FIGNL1: variants seen among roughly 807,000 people sequenced by gnomAD.
The protein encoded by FIGNL1 is fidgetin like 1.
FIGNL1 carries 11 observed loss-of-function variants against 28.9 expected under a neutral mutation model. That is an observed-to-expected ratio of 0.38 (90% CI 0.24 to 0.63). The LOEUF is 0.63. Among genes scored for constraint, FIGNL1 ranks in the 20% least tolerant of loss-of-function variants. The pLI, the probability that FIGNL1 is intolerant of heterozygous loss-of-function variation, is 0.57. For missense variants in FIGNL1, 789 were observed against 810.4 expected (o/e 0.97, Z 0.32); for synonymous variants, 295 against 276.5 (o/e 1.07, Z -0.66).
In FIGNL1 at chr7:50,446,491, A is replaced by G. The variant is rs143316695; in HGVS notation, c.797T>C (p.Ile266Thr). 52 of 1,614,108 alleles carry G rather than the reference A, an allele frequency of 3.2e-5. No homozygotes were observed. Among genetic ancestry groups the G allele is most frequent in the African/African-American group, 2.5e-4 (19 of 74,936 alleles). ...QRKSFYGSGT[I>T]DALSNPILNK... is the part of the protein sequence containing the mutation. Reference sequence around the variant, plus strand: ...CAGTATTGGATTGGAAAGTGCATCAATGGTGCCAGAACCATAAAAAGACTT... The same window carrying G: ...CAGTATTGGATTGGAAAGTGCATCAGTGGTGCCAGAACCATAAAAAGACTT... Residue 266 changes from isoleucine to threonine, a missense_variant, in exon 4 of 4, where the codon ATT (isoleucine) becomes ACT (threonine). Coordinates refer to ENST00000433017, the MANE Select transcript of FIGNL1 (RefSeq NM_001287492.4).
At position 50,444,810 on chromosome 7, in the gene FIGNL1, AGCTTT is replaced by A. The variant is rs1820338512; in HGVS notation, c.*448_*452del. 6.6e-6 allele frequency: 1 copy of A among 152,336 alleles called. No individual in the cohort carries two copies. The highest frequency in any genetic ancestry group is 1.5e-5 in the Non-Finnish European group (1 of 68,112). The allele number at this position is 152,336 out of a possible 1,614,324, so 9.4% of individuals were successfully genotyped here. A position where few individuals can be genotyped will look rare whatever the true frequency, so the allele number is the denominator to read the frequency against. On this transcript the variant is annotated 3_prime_UTR_variant, in exon 4 of 4. Transcript: ENST00000433017. ...TGAAGAAAGTAAAAATTGGCACTTT[AGCTTT>A]GAGATCTTAAATCTACTTAAATAAC... is the stretch of plus-strand genomic sequence containing the variant.
At position 50,446,025 on chromosome 7, in the gene FIGNL1, C is replaced by A. The variant is rs1369034887; in HGVS notation, c.1263G>T (p.Met421Ile). The A allele has an allele frequency of 1.2e-6, 2 of 1,614,096 alleles. No homozygotes were observed. Among genetic ancestry groups the A allele is most frequent in the East Asian group, 2.2e-5 (1 of 44,906 alleles). ...ATIKEIVVWP[M>I]LRPDIFTGLR... ...AACCAGTAAAGATGTCTGGCCTCAACATGGGCCACACAACTATTTCCTTTA... is the reference window on the plus strand; with the variant it reads ...AACCAGTAAAGATGTCTGGCCTCAAAATGGGCCACACAACTATTTCCTTTA... Residue 421 changes from methionine to isoleucine, a missense_variant, in exon 4 of 4, where the codon ATG becomes ATT. Coordinates refer to ENST00000433017, the MANE Select transcript of FIGNL1 (RefSeq NM_001287492.4).
rs780529754 is a variant in FIGNL1, at chr7:50,445,539, T to A, written c.1749A>T (p.Lys583Asn). 6.2e-7 allele frequency: 1 copy of A among 1,614,244 alleles called. No homozygotes were observed. The highest frequency in any genetic ancestry group is 8.5e-7 in the Non-Finnish European group (1 of 1,180,044). Residue 583 changes from lysine to asparagine, a missense_variant, in exon 4 of 4, where the codon AAA (lysine) becomes AAT (asparagine). Coordinates refer to ENST00000433017, the MANE Select transcript of FIGNL1 (RefSeq NM_001287492.4). ...RKQIVINLMS[K>N]EQCCLSEEEI... The stretch of plus-strand genomic sequence containing the variant: ...CTTCTTCACTGAGGCAACACTGCTC[T>A]TTGGACATTAGATTAATTACTATCT...
In FIGNL1 at chr7:50,446,970, T is replaced by C. The variant is rs757006948; in HGVS notation, c.318A>G (p.Ile106Met). Reference sequence around the variant, plus strand: ...CACTACTCATTTTGAAAACATTATTTATTGACAATCCAGACTGCCACTTGT... The same window carrying C: ...CACTACTCATTTTGAAAACATTATTCATTGACAATCCAGACTGCCACTTGT... ...DSDKWQSGLS[I>M]NNVFKMSSVQ... The change falls in exon 4 of 4, where the codon ATA (isoleucine) becomes ATG (methionine). Residue 106 changes from isoleucine to methionine, a missense_variant. Ile to Met is a conservative substitution (Grantham distance 10). Coordinates refer to ENST00000433017, the MANE Select transcript of FIGNL1 (RefSeq NM_001287492.4). 2 of 1,614,216 alleles carry C rather than the reference T, an allele frequency of 1.2e-6. No individual in the cohort carries two copies. Among genetic ancestry groups the C allele is most frequent in the South Asian group, 2.2e-5 (2 of 91,082 alleles).
rs942511232 is a variant in FIGNL1 at position 50,447,069 on chromosome 7, G to A, written c.219C>T (p.Asp73=). The A allele has an allele frequency of 2.5e-6, 4 of 1,614,202 alleles. No homozygotes were observed. Among genetic ancestry groups the A allele is most frequent in the Non-Finnish European group, 3.4e-6 (4 of 1,180,028 alleles). ...AEKYSAIIDS[D]NVESGLNNYA... ...AATTATTCAACCCAGATTCAACATTGTCAGAATCAATAATTGCAGAATATT... is the reference window on the plus strand; with the variant it reads ...AATTATTCAACCCAGATTCAACATTATCAGAATCAATAATTGCAGAATATT... The change falls in exon 4 of 4, where the codon GAC becomes GAT. Residue 73 remains aspartate (D), a synonymous_variant. Coordinates refer to ENST00000433017, the MANE Select transcript of FIGNL1 (RefSeq NM_001287492.4).
Position 50,447,042 on chromosome 7 carries a change from A to G in FIGNL1, c.246T>C (p.Tyr82=). The part of the protein sequence containing the change: ...SDNVESGLNN[Y]AENILTLAGS... The stretch of plus-strand genomic sequence containing the variant: ...CTGCCAAAGTTAAAATGTTTTCTGC[A>G]TAATTATTCAACCCAGATTCAACAT... The change falls in exon 4 of 4, where the codon TAT becomes TAC. Residue 82 remains tyrosine, a synonymous_variant. Transcript: ENST00000433017. 2 of 1,614,264 alleles carry G rather than the reference A, an allele frequency of 1.2e-6. No homozygotes were observed. The highest frequency in any genetic ancestry group is 1.7e-6 in the Non-Finnish European group (2 of 1,180,050).
rs192313152 is a variant in FIGNL1 at position 50,445,891 on chromosome 7, G to A, written c.1397C>T (p.Ser466Phe). The change falls in exon 4 of 4, where the codon TCT becomes TTT. Residue 466 changes from serine to phenylalanine, a missense_variant. Physicochemically the swap from Ser to Phe is radical, Grantham distance 155. Transcript: ENST00000433017. ...CCATTTAGAAGTTAAGGATGAAGCAGAGATGCTAAAGAATGTTGCCCCAGA... is the reference window on the plus strand; with the variant it reads ...CCATTTAGAAGTTAAGGATGAAGCAAAGATGCTAAAGAATGTTGCCCCAGA... ...SQSGATFFSI[S>F]ASSLTSKWVG... 1.9e-6 allele frequency: 3 copies of A among 1,614,128 alleles called. No individual in the cohort carries two copies. The highest frequency in any genetic ancestry group is 4.5e-5 in the East Asian group (2 of 44,886).
chr7:50,445,694 T>C lies in FIGNL1; in HGVS notation c.1594A>G (p.Thr532Ala). 1 of 1,614,182 alleles carries C rather than the reference T, an allele frequency of 6.2e-7. No homozygotes were observed. The highest frequency in any genetic ancestry group is 8.5e-7 in the Non-Finnish European group (1 of 1,180,040). The change falls in exon 4 of 4, where the codon ACA becomes GCA. Residue 532 changes from threonine (T) to alanine (A), a missense_variant. Thr to Ala is a moderately conservative substitution (Grantham distance 58). Transcript: ENST00000433017. Reference protein sequence around the residue: ...TEFLVQLDGATTSSEDRILVV... With the variant: ...TEFLVQLDGAATSSEDRILVV... The stretch of plus-strand genomic sequence containing the variant: ...AGGATACGATCTTCAGAAGATGTTG[T>C]TGCTCCATCTAATTGAACTAAAAAT...
chr7:50,447,859 C>T (rs10239496), intron 3 of FIGNL1: 95,487 of 152,042 alleles, frequency 0.63, 31,040 homozygotes, highest in Admixed American at 0.72. Flanking sequence ...GCCCCAGCTT[C>T]CCAAGTAGCT....
Position 50,445,305 on chromosome 7 carries a change from C to A in FIGNL1, c.1983G>T (p.Glu661Asp). 6.3e-7 allele frequency: 1 copy of A among 1,590,930 alleles called. No individual in the cohort carries two copies. Among genetic ancestry groups the A allele is most frequent in the Non-Finnish European group, 8.5e-7 (1 of 1,171,730 alleles). The change falls in exon 4 of 4, where the codon GAG becomes GAT. Residue 661 changes from glutamate to aspartate, a missense_variant. By Grantham distance (45) the Glu-to-Asp change is conservative. Coordinates refer to ENST00000433017, the MANE Select transcript of FIGNL1 (RefSeq NM_001287492.4). ...VRPSVSPKDL[E>D]LYENWNKTFG... ...AAGTTTTGTTCCAGTTTTCATAAAG[C>A]TCTAAATCTTTTGGAGAAACACTAG...
chr7:50,444,452 TTAATAG>T lies in FIGNL1; in HGVS notation c.*805_*810del. 1 of 152,354 alleles carries T rather than the reference TTAATAG, an allele frequency of 6.6e-6. No individual in the cohort carries two copies. The highest frequency in any genetic ancestry group is 2.1e-4 in the South Asian group (1 of 4,826). 9.4% of individuals were successfully genotyped at this position (152,354 alleles called of 1,614,324 possible). On this transcript the variant is annotated 3_prime_UTR_variant, in exon 4 of 4. Coordinates refer to ENST00000433017, the MANE Select transcript of FIGNL1 (RefSeq NM_001287492.4). ...ATCTGGAAGAATCTATGCTTAAATA[TTAATAG>T]TGTGTCCCGCAAAGTGGTAGGATAA...
At chr7:50,448,525 T>A (rs961445432) in intron 2 of FIGNL1, 1 of 152,268 alleles carries the variant, frequency 6.6e-6, no homozygotes, top group Non-Finnish European at 1.5e-5. Context: ...GTTATTCGCA[T>A]AAGCTTCCTC....
At position 50,446,042 on chromosome 7, in the gene FIGNL1, T is replaced by C. The variant is rs1316963126; in HGVS notation, c.1246A>G (p.Ile416Val). 1.2e-6 allele frequency: 2 copies of C among 1,614,236 alleles called. No homozygotes were observed. The highest frequency in any genetic ancestry group is 3.3e-5 in the Admixed American group (2 of 60,032). ...GGCCTCAACATGGGCCACACAACTA[T>C]TTCCTTTATGGTGGCTTTAGCAAAT... ...VEFAKATIKE[I>V]VVWPMLRPDI... is the part of the protein sequence containing the mutation. Residue 416 changes from isoleucine to valine, a missense_variant, in exon 4 of 4, where the codon ATA becomes GTA. Coordinates refer to ENST00000433017, the MANE Select transcript of FIGNL1 (RefSeq NM_001287492.4).
chr7:50,447,250 TCACTCAGGTG>T lies in FIGNL1; in HGVS notation c.28_37del (p.His10AsnfsTer67). ...AATTGCGAAGTAATTCTTCTGCCAT[TCACTCAGGTG>T]CACAGATCTAGAGCTGGAGGTCTGC... On this transcript the variant is annotated frameshift_variant, in exon 4 of 4. Transcript: ENST00000433017. LOFTEE classifies it low-confidence loss of function (END_TRUNC). The T allele has an allele frequency of 6.2e-7, 1 of 1,610,212 alleles. No homozygotes were observed. Among genetic ancestry groups the T allele is most frequent in the Non-Finnish European group, 8.5e-7 (1 of 1,176,712 alleles).
chr7:50,446,483 G>A lies in FIGNL1; in HGVS notation c.805C>T (p.Leu269Phe). 1 of 1,614,202 alleles carries A rather than the reference G, an allele frequency of 6.2e-7. No homozygotes were observed. Among genetic ancestry groups the A allele is most frequent in the Non-Finnish European group, 8.5e-7 (1 of 1,180,044 alleles). Residue 269 changes from leucine to phenylalanine, a missense_variant, in exon 4 of 4, where the codon CTT becomes TTT. Leu to Phe is a conservative substitution (Grantham distance 22). Coordinates refer to ENST00000433017, the MANE Select transcript of FIGNL1 (RefSeq NM_001287492.4). ...SFYGSGTIDALSNPILNKACS... is the reference protein window; with the variant it reads ...SFYGSGTIDAFSNPILNKACS... The stretch of plus-strand genomic sequence containing the variant: ...GCCTTATTCAGTATTGGATTGGAAA[G>A]TGCATCAATGGTGCCAGAACCATAA...
chr7:50,446,454 A>G lies in FIGNL1; in HGVS notation c.834T>C (p.Cys278=). 1.2e-6 allele frequency: 2 copies of G among 1,614,150 alleles called. No homozygotes were observed. Among genetic ancestry groups the G allele is most frequent in the Non-Finnish European group, 1.7e-6 (2 of 1,180,026 alleles). The change falls in exon 4 of 4, where the codon TGT becomes TGC. Residue 278 remains cysteine, a synonymous_variant. Transcript: ENST00000433017. ...TTGGGCCATTATCTTCTGTTTTACT[A>G]CAAGCCTTATTCAGTATTGGATTGG... ...ALSNPILNKA[C]SKTEDNGPKE...
In FIGNL1 at chr7:50,446,173, A is replaced by G. The variant is rs1820746532; in HGVS notation, c.1115T>C (p.Val372Ala). ...CTCCAAGTTCTTCAGACGCTCATCA[A>G]CTGGATGTGCTGGTTCTGTAGGTCC... Reference protein sequence around the residue: ...GAGPTEPAHPVDERLKNLEPK... With the variant: ...GAGPTEPAHPADERLKNLEPK... Residue 372 changes from valine (V) to alanine (A), a missense_variant, in exon 4 of 4, where the codon GTT becomes GCT. Transcript: ENST00000433017. The G allele has an allele frequency of 4.3e-6, 7 of 1,614,216 alleles. No homozygotes were observed. Among genetic ancestry groups the G allele is most frequent in the Non-Finnish European group, 5.9e-6 (7 of 1,180,036 alleles).
chr7:50,446,398 G>GT lies in FIGNL1; in HGVS notation c.889dup (p.Thr297AsnfsTer35). 1.2e-6 allele frequency: 2 copies of GT among 1,614,124 alleles called. No individual in the cohort carries two copies. The highest frequency in any genetic ancestry group is 2.2e-5 in the South Asian group (2 of 91,078). On this transcript the variant is annotated frameshift_variant, in exon 4 of 4. Transcript: ENST00000433017. LOFTEE classifies it high-confidence loss of function. The stretch of plus-strand genomic sequence containing the variant: ...ATCTACCCATAATTGTTCTTTTGCA[G>GT]TTTTAAATGTAGGCAGGCTGCTATC...
chr7:50,447,334 G>A, intron 3 of FIGNL1, 37 bp from the exon 4 acceptor site: 1 of 1,374,076 alleles, frequency 7.3e-7, no homozygotes, highest in Non-Finnish European at 9.8e-7. Context: ...CAGTATGAAG[G>A]AAAACAAAGA....
Sources: gnomAD v4.1 joint callset for allele counts on GRCh38, gnomAD v4.1.1 for gene constraint, MANE v1.5 for transcripts, NCBI Gene and HGNC (gene_info 2026-07-23, HGNC 2026-07-21) for gene names.